MAGI2: variants seen among roughly 807,000 people sequenced by gnomAD.
The protein encoded by MAGI2 is membrane associated guanylate kinase, WW and PDZ domain containing 2.
MAGI2 carries 35 observed loss-of-function variants against 133.3 expected under a neutral mutation model. The ratio of observed to expected loss-of-function variants is 0.26; its 90% CI spans 0.20 to 0.35. The LOEUF is 0.35. Ranked by LOEUF, MAGI2 falls within the 10% of genes least tolerant of loss-of-function variation. MAGI2 has a pLI of 1.00. For missense variants in MAGI2, 1,636 were observed against 1,863.4 expected (o/e 0.88, Z 2.25); for synonymous variants, 729 against 710.6 (o/e 1.03, Z -0.41).
intron 9 of MAGI2, among the ~76,000 whole-genome samples, chr7:78,257,991 A>C (rs1247033401): frequency 6.6e-6 from 1 of 152,226 alleles, no homozygotes; most frequent in Admixed American, 6.5e-5. Flanking sequence ...GTAGGTGTAT[A>C]ACATAAAATG....
At chr7:79,160,654 G>T (rs1489114235) in intron 1 of MAGI2, among the ~76,000 whole-genome samples, 2 of 151,666 alleles carry the variant, frequency 1.3e-5, no homozygotes, top group African/African-American at 4.9e-5. Context: ...TTAGTCCAAA[G>T]AGAATGATCA....
chr7:78,492,033 A>T (rs760603103), intron 5 of MAGI2, among the ~76,000 whole-genome samples: 1 of 151,890 alleles, frequency 6.6e-6, no homozygotes, highest in East Asian at 1.9e-4. Context: ...CTCTTTTCGG[A>T]GAAAAGTCAT....
At chr7:78,207,601 C>A (rs1787229517) in intron 10 of MAGI2, among the ~76,000 whole-genome samples, 2 of 152,068 alleles carry the variant, frequency 1.3e-5, no homozygotes, top group Non-Finnish European at 2.9e-5. Context: ...TTGACTGATT[C>A]ATGTATTCCT....
chr7:79,268,322 T>A (rs1487519047), intron 1 of MAGI2, among the ~76,000 whole-genome samples: 1 of 152,238 alleles, frequency 6.6e-6, no homozygotes, highest in Non-Finnish European at 1.5e-5. Flanking sequence ...CTCAGATTTA[T>A]ACAGTGACCA....
chr7:79,291,524 T>C (rs1836484559), intron 1 of MAGI2, among the ~76,000 whole-genome samples: 1 of 152,166 alleles, frequency 6.6e-6, no homozygotes, highest in Non-Finnish European at 1.5e-5. Context: ...AATTTTACAA[T>C]CCCACCAGCA....
chr7:79,232,239 T>C (rs975563636), intron 1 of MAGI2, among the ~76,000 whole-genome samples: 2 of 151,778 alleles, frequency 1.3e-5, no homozygotes, highest in African/African-American at 4.8e-5. Flanking sequence ...ATCAAGGATA[T>C]TGGTCTAAAA....
At chr7:78,206,923 TG>T (rs1301069987) in intron 10 of MAGI2, among the ~76,000 whole-genome samples, 6 of 152,226 alleles carry the variant, frequency 3.9e-5, no homozygotes, top group Non-Finnish European at 5.9e-5. Flanking sequence ...GCCCTAAAGC[TG>T]TGTGTTCTGT....
intron 2 of MAGI2, among the ~76,000 whole-genome samples, chr7:78,728,856 C>T (rs1414318865): frequency 8.0e-6 from 1 of 124,388 alleles, no homozygotes; most frequent in African/African-American, 2.8e-5. Flanking sequence ...TGAGCCACCG[C>T]GCCCGGCCCC....
intron 1 of MAGI2, among the ~76,000 whole-genome samples, chr7:79,311,526 T>C (rs957905029): frequency 6.6e-6 from 1 of 151,988 alleles, no homozygotes; most frequent in African/African-American, 2.4e-5. Flanking sequence ...TCCGTAGGCT[T>C]CTTTGCTTCT....
chr7:79,341,610 T>A (rs907269684), intron 1 of MAGI2, among the ~76,000 whole-genome samples: 1 of 152,190 alleles, frequency 6.6e-6, no homozygotes, highest in Non-Finnish European at 1.5e-5. Flanking sequence ...TGATAGTTCA[T>A]AAATATCAAC....
intron 2 of MAGI2, among the ~76,000 whole-genome samples, chr7:78,911,232 C>CT (rs921282512): frequency 2.2e-4 from 34 of 151,454 alleles, no homozygotes; most frequent in South Asian, 6.3e-4. Context: ...TTGAGGGTGA[C>CT]TTTTTTTTTC....
intron 3 of MAGI2, among the ~76,000 whole-genome samples, chr7:78,563,903 A>T (rs1563174805): frequency 6.6e-6 from 1 of 152,234 alleles, no homozygotes; most frequent in African/African-American, 2.4e-5. Flanking sequence ...AAACAAGTCT[A>T]GGAAGTCTGT....
At chr7:79,344,640 C>T (rs117781559) in intron 1 of MAGI2, among the ~76,000 whole-genome samples, 185 of 152,246 alleles carry the variant, frequency 1.2e-3, no homozygotes, top group Non-Finnish European at 2.2e-3. Flanking sequence ...GCTGGAACTT[C>T]GGATTTGTAC....
At chr7:78,175,573 A>G (rs1188991353) in intron 14 of MAGI2, among the ~76,000 whole-genome samples, 1 of 152,182 alleles carries the variant, frequency 6.6e-6, no homozygotes, top group Non-Finnish European at 1.5e-5. Context: ...ACAGACACAG[A>G]TAAGTTGGCA....
chr7:78,792,223 T>C (rs1013632140), intron 2 of MAGI2, among the ~76,000 whole-genome samples: 7 of 152,182 alleles, frequency 4.6e-5, no homozygotes. Flanking sequence ...AAAACTGTCA[T>C]AGTGTTACAG....
intron 4 of MAGI2, among the ~76,000 whole-genome samples, chr7:78,506,709 G>T (rs909547035): frequency 1.3e-5 from 2 of 152,258 alleles, no homozygotes; most frequent in Non-Finnish European, 2.9e-5. Context: ...CGAATGATGT[G>T]CAGATCACTG....
intron 2 of MAGI2, among the ~76,000 whole-genome samples, chr7:78,966,702 G>C (rs1803340760): frequency 6.6e-6 from 1 of 151,998 alleles, no homozygotes; most frequent in South Asian, 2.1e-4. Context: ...AAGTGGGATT[G>C]TTGGCACATA....
At chr7:78,589,598 G>A (rs1482061473) in intron 3 of MAGI2, among the ~76,000 whole-genome samples, 1 of 152,110 alleles carries the variant, frequency 6.6e-6, no homozygotes, top group Admixed American at 6.6e-5. Context: ...AGGTGTGGCA[G>A]GGAAGAATAG....
intron 1 of MAGI2, among the ~76,000 whole-genome samples, chr7:79,186,069 G>T (rs1437725711): frequency 6.6e-6 from 1 of 151,130 alleles, no homozygotes. Context: ...GCTAAAAAAT[G>T]TGCATAGACA....
Sources: gnomAD v4.1 joint callset for allele counts (sites outside exome capture counted in the v4.1 genomes callset) on GRCh38, gnomAD v4.1.1 for gene constraint, MANE v1.5 for transcripts, NCBI Gene and HGNC (gene_info 2026-07-23, HGNC 2026-07-21) for gene names.